WDR74: variants seen among roughly 807,000 people sequenced by gnomAD.
WDR74 encodes the protein WD repeat-containing protein 74.
A neutral mutation model predicts 45.6 loss-of-function variants in WDR74; 31 were observed. That is an observed-to-expected ratio of 0.68 (90% CI 0.51 to 0.92). The LOEUF is 0.92. Ranked by LOEUF, WDR74 falls within the 40% of genes least tolerant of loss-of-function variation. The pLI, the probability that WDR74 is intolerant of heterozygous loss-of-function variation, is 0.00. For missense variants in WDR74, 455 were observed against 497.2 expected, an observed-to-expected ratio of 0.92 and a Z score of 0.81; for synonymous variants, 191 against 192.4, an observed-to-expected ratio of 0.99 and a Z score of 0.06.
At chr11:62,833,193 A>G (rs1645812678) in intron 10 of WDR74, 62 bp from the exon 11 acceptor site, 20 of 1,550,388 alleles carry the variant, frequency 1.3e-5, no homozygotes, top group Non-Finnish European at 1.8e-5. Flanking sequence ...CCCACCTGTA[A>G]TCTCAGCACT....
chr11:62,835,105 G>A lies in WDR74; in HGVS notation c.618+326C>T, dbSNP rs189171150. The A allele has an allele frequency of 3.4e-4, 95 of 280,110 alleles. No individual in the cohort carries two copies. In the East Asian group the frequency reaches 7.2e-3, roughly 21 times the overall value. The allele number at this position is 280,110 out of a possible 1,614,324, so 17.4% of individuals were successfully genotyped here. On this transcript the variant is annotated intron_variant, in intron 6 of 10. Transcript: ENST00000278856. ...CCTGGGTCCCAAAGCAAATCAGAGAGGCTGCATCAGGACCAGAACCCAGTT... is the reference window on the plus strand; with the variant it reads ...CCTGGGTCCCAAAGCAAATCAGAGAAGCTGCATCAGGACCAGAACCCAGTT...
rs2298636 is a variant in WDR74, at chr11:62,835,511, A to G, written c.538T>C (p.Leu180=). ...AKNVRNDWLD[L]RVPIWDQDIQ... Reference sequence around the variant, plus strand: ...TCCTGGTCCCAGATGGGAACCCGCAAGTCCAGCCAGTCATTCCGCACCTGG... The same window carrying G: ...TCCTGGTCCCAGATGGGAACCCGCAGGTCCAGCCAGTCATTCCGCACCTGG... Residue 180 remains leucine, a synonymous_variant, in exon 6 of 11, where the codon TTG becomes CTG. Coordinates refer to ENST00000278856, the MANE Select transcript of WDR74 (RefSeq NM_001369450.1). The G allele has an allele frequency of 0.061, 98,725 of 1,613,854 alleles. 3,914 individuals are homozygous for G. The highest frequency in any genetic ancestry group is 0.15 in the East Asian group (6,900 of 44,862).
At position 62,832,952 on chromosome 11, in the gene WDR74, T is replaced by G; in HGVS notation, c.1158A>C (p.Ter386CysextTer?). 1.9e-6 allele frequency: 3 copies of G among 1,598,932 alleles called. No individual in the cohort carries two copies. Among genetic ancestry groups the G allele is most frequent in the Non-Finnish European group, 2.6e-6 (3 of 1,173,416 alleles). ...TATTTACAAAGTGGGCACAGGGGCG[T>G]CAGGGGCTGGTGGACCCAGGCCGCT... ...KKKRPGSTSP[*>C] Residue 386 changes from the stop codon to cysteine (C), a stop_lost, in exon 11 of 11, where the codon TGA becomes TGC. Transcript: ENST00000278856.
At chr11:62,833,514 CAGAT>C (rs972205021) in intron 10 of WDR74, 100 bp downstream of exon 10, 68 of 1,353,612 alleles carry the variant, frequency 5.0e-5, no homozygotes, top group Non-Finnish European at 6.4e-5. Flanking sequence ...GGCAGGTAAA[CAGAT>C]AGTCCCAAGT....
At position 62,839,148 on chromosome 11, in the gene WDR74, C is replaced by G; in HGVS notation, c.259G>C (p.Glu87Gln). 13 of 1,613,642 alleles carry G rather than the reference C, an allele frequency of 8.1e-6. No homozygotes were observed. The highest frequency in any genetic ancestry group is 1.1e-5 in the Non-Finnish European group (13 of 1,179,900). Residue 87 changes from glutamate (E) to glutamine (Q), a missense_variant, in exon 3 of 11, where the codon GAG becomes CAG. Coordinates refer to ENST00000278856, the MANE Select transcript of WDR74 (RefSeq NM_001369450.1). The stretch of plus-strand genomic sequence containing the variant: ...TGGGCGAGGCCACGGAACATGCCCT[C>G]CCCGCCCGGGCAGTGTCTCTGACCC... ...FQGQRHCPGGEGMFRGLAQAD... is the reference protein window; with the variant it reads ...FQGQRHCPGGQGMFRGLAQAD...
intron 3 of WDR74, among the ~76,000 whole-genome samples, chr11:62,838,784 AAC>A (rs994765438): frequency 6.6e-6 from 1 of 151,392 alleles, no homozygotes; most frequent in African/African-American, 2.4e-5. Context: ...ACAAAAAACA[AAC>A]ACACACACAC....
rs369198264 is a variant in WDR74, at chr11:62,836,020, C to T, written c.310G>A (p.Val104Met). ...AQADGTLITC[V>M]DSGILRVWHD... ...CAGACTCTGAGAATCCCAGAATCCA[C>T]ACATGTGATGAGGGTGCTGCAGAGA... is the stretch of plus-strand genomic sequence containing the variant. Residue 104 changes from valine to methionine, a missense_variant, in exon 4 of 11, where the codon GTG becomes ATG. Coordinates refer to ENST00000278856, the MANE Select transcript of WDR74 (RefSeq NM_001369450.1). 6.3e-7 allele frequency: 1 copy of T among 1,593,560 alleles called. No individual in the cohort carries two copies. Among genetic ancestry groups the T allele is most frequent in the Non-Finnish European group, 8.5e-7 (1 of 1,169,816 alleles).
upstream of WDR74, chr11:62,840,154 C>T (rs902107880): frequency 6.6e-6 from 1 of 152,576 alleles, no homozygotes; most frequent in African/African-American, 2.4e-5. Flanking sequence ...GCTGGTATTA[C>T]TAAACCACCG....
upstream of WDR74, chr11:62,841,782 G>C (rs551042308): frequency 5.9e-5 from 9 of 152,116 alleles, no homozygotes; most frequent in Non-Finnish European, 7.4e-5. Flanking sequence ...TACTACACTT[G>C]ATCTTAGCCA....
At position 62,839,401 on chromosome 11, in the gene WDR74, G is replaced by T. The variant is rs758596641; in HGVS notation, c.92C>A (p.Ala31Glu). 1.5e-5 allele frequency: 24 copies of T among 1,612,938 alleles called. No individual in the cohort carries two copies. Among genetic ancestry groups the T allele is most frequent in the Admixed American group, 5.0e-5 (3 of 60,004 alleles). ...KGVNLQRKQA[A>E]NFTAGGQPRR... ...CGGCTGTCCTCCGGCCGTGAAGTTC[G>T]CCGCCTGTTTTCGCTGAAGATTTAC... Residue 31 changes from alanine (A) to glutamate (E), a missense_variant, in exon 2 of 11, where the codon GCG becomes GAG. Physicochemically the swap from Ala to Glu is moderately radical, Grantham distance 107. Transcript: ENST00000278856.
intron 3 of WDR74, chr11:62,836,435 T>G: frequency 4.6e-6 from 1 of 219,544 alleles, no homozygotes; most frequent in Non-Finnish European, 9.3e-6. Flanking sequence ...CATCTGGCTG[T>G]ACTGGTCTGT....
upstream of WDR74, chr11:62,841,752 A>G (rs958979935): frequency 6.6e-5 from 10 of 152,224 alleles, no homozygotes; most frequent in East Asian, 3.8e-4. Flanking sequence ...CGTATCAGAT[A>G]TTAAACTGAT....
upstream of WDR74, chr11:62,841,551 T>TGG (rs1565225477): frequency 4.0e-5 from 6 of 150,924 alleles, no homozygotes; most frequent in African/African-American, 1.5e-4. Context: ...AACAAGAACA[T>TGG]AACTATTTAG....
Position 62,833,027 on chromosome 11 carries a change from C to G in WDR74, c.1083G>C (p.Ser361=), listed in dbSNP as rs779626341. The G allele has an allele frequency of 1.2e-6, 2 of 1,609,822 alleles. No individual in the cohort carries two copies. The highest frequency in any genetic ancestry group is 1.7e-4 in the Middle Eastern group (1 of 6,056). Residue 361 remains serine (S), a synonymous_variant, in exon 11 of 11, where the codon TCG becomes TCC. Coordinates refer to ENST00000278856, the MANE Select transcript of WDR74 (RefSeq NM_001369450.1). ...SLEAAAKRKL[S]GLEQPQGALQ... ...GAGCTCCTTGGGGCTGCTCCAAACC[C>G]GAGAGCTTCCGCTTGGCAGCTGCCT... is the stretch of plus-strand genomic sequence containing the variant.
At chr11:62,837,711 C>A (rs750802268) in intron 3 of WDR74, among the ~76,000 whole-genome samples, 11 of 152,170 alleles carry the variant, frequency 7.2e-5, no homozygotes, top group African/African-American at 2.2e-4. Flanking sequence ...CAGTCCCCCC[C>A]ACAGGCTTTC....
chr11:62,835,963 G>T lies in WDR74; in HGVS notation c.367C>A (p.Pro123Thr). 1 of 1,593,096 alleles carries T rather than the reference G, an allele frequency of 6.3e-7. No homozygotes were observed. Among genetic ancestry groups the T allele is most frequent in the Non-Finnish European group, 8.5e-7 (1 of 1,169,734 alleles). ...HDKDKDTSSD[P>T]LLELRVGPGV... is the part of the protein sequence containing the mutation. ...CCATCAGGGCAGGGGAGCCTCACTGGGTCAGAGGATGTGTCCTTGTCCTTG... is the reference window on the plus strand; with the variant it reads ...CCATCAGGGCAGGGGAGCCTCACTGTGTCAGAGGATGTGTCCTTGTCCTTG... The change falls in exon 4 of 11, where the codon CCA becomes ACA. Residue 123 changes from proline to threonine, a missense_variant and splice_region_variant. By Grantham distance (38) the Pro-to-Thr change is conservative. Coordinates refer to ENST00000278856, the MANE Select transcript of WDR74 (RefSeq NM_001369450.1).
intron 6 of WDR74, 136 bp from the exon 7 acceptor site, chr11:62,834,663 T>A: frequency 1.4e-6 from 1 of 735,684 alleles, no homozygotes; most frequent in Non-Finnish European, 2.2e-6. Flanking sequence ...ATCTTAGATG[T>A]ATGCCTCTTC....
intron 6 of WDR74, 122 bp from the exon 7 acceptor site, chr11:62,834,649 T>C: frequency 1.2e-6 from 1 of 849,168 alleles, no homozygotes; most frequent in Non-Finnish European, 1.8e-6. Context: ...CCAGAAACTT[T>C]CTCATCTTAG....
chr11:62,841,487 C>A (rs545138814), upstream of WDR74: 5 of 152,322 alleles, frequency 3.3e-5, no homozygotes, highest in African/African-American at 1.2e-4. Flanking sequence ...ACAAGACACT[C>A]AAACACGCGT....
Sources: allele counts gnomAD v4.1 joint callset (sites outside exome capture counted in the v4.1 genomes callset), GRCh38; gene constraint gnomAD v4.1.1; transcripts MANE v1.5; gene names NCBI Gene and HGNC (gene_info 2026-07-23, HGNC 2026-07-21).